HDX: variants seen among roughly 807,000 people sequenced by gnomAD.
HDX encodes chromosome X open reading frame 43.
A neutral mutation model predicts 45.2 loss-of-function variants in HDX; 19 were observed. The observed-to-expected ratio is 0.42, with a 90% confidence interval of 0.29 to 0.62. HDX has a LOEUF of 0.62. HDX is among the 20% of genes least tolerant of loss of function. The pLI, the probability that HDX is intolerant of heterozygous loss-of-function variation, is 0.20. For synonymous variants in HDX, 188 were observed against 172.8 expected (o/e 1.09, Z -0.69); for missense variants, 532 against 493.9 (o/e 1.08, Z -0.73).
At chrX:84,342,492 C>T (rs1331653547) in intron 7 of HDX, among the ~76,000 whole-genome samples, 2 of 105,002 alleles carry the variant, frequency 1.9e-5, no homozygotes, top group African/African-American at 3.5e-5. Flanking sequence ...TATATGTGTA[C>T]GTCTGCATGT....
Position 84,388,652 on chromosome X carries a change from G to C in HDX, c.1306-27040C>G, listed in dbSNP as rs1368641594. On this transcript the variant is annotated intron_variant, in intron 5 of 10. Transcript: ENST00000373177. ...GTGGTTTTTTTAGCTTTCGAAGTTT[G>C]GTTTACGTCTTTCTTAAAATGTCTA... Among the ~76,000 whole-genome samples, 4 of 111,496 alleles carry C rather than the reference G, an allele frequency of 3.6e-5. No homozygotes were observed. The East Asian group carries it at 1.1e-3, about 32-fold the overall frequency.
chrX:84,326,312 A>G lies in HDX; in HGVS notation c.1825-12T>C, dbSNP rs765393132. 3.8e-5 allele frequency: 44 copies of G among 1,160,998 alleles called. 1 individual carries two copies. The highest frequency in any genetic ancestry group is 5.0e-5 in the Non-Finnish European group (43 of 851,893). On this transcript the variant is annotated splice_polypyrimidine_tract_variant and intron_variant, in intron 9 of 10. Coordinates refer to ENST00000373177, the MANE Select transcript of HDX (RefSeq NM_001177479.2). ...TTGACTTCTTCATTCTGAAAGAGAA[A>G]ATACCAAATGATACAATTACCTTAT...
intron 4 of HDX, among the ~76,000 whole-genome samples, chrX:84,467,014 G>A (rs1023635607): frequency 1.8e-5 from 2 of 111,266 alleles, no homozygotes; most frequent in Non-Finnish European, 3.8e-5. Context: ...AAGTACAAAA[G>A]AGTAGGTGAA....
At chrX:84,364,170 G>A (rs1347375912) in intron 5 of HDX, among the ~76,000 whole-genome samples, 1 of 111,335 alleles carries the variant, frequency 9.0e-6, no homozygotes, top group Non-Finnish European at 1.9e-5. Context: ...TTGGTTAAAT[G>A]AGGAGCTGAG....
chrX:84,432,995 T>C (rs180760022), intron 5 of HDX, among the ~76,000 whole-genome samples: 1 of 111,352 alleles, frequency 9.0e-6, no homozygotes, highest in East Asian at 2.8e-4. Context: ...GAAATATCTT[T>C]TCAGGTTACT....
chrX:84,364,012 T>C (rs1426564403), intron 5 of HDX, among the ~76,000 whole-genome samples: 1 of 111,746 alleles, frequency 8.9e-6, no homozygotes, highest in Non-Finnish European at 1.9e-5. Context: ...TTGGCTTATA[T>C]TGCAATGTAT....
chrX:84,349,075 C>G (rs1361137058), intron 6 of HDX, among the ~76,000 whole-genome samples: 3 of 111,005 alleles, frequency 2.7e-5, no homozygotes, highest in Non-Finnish European at 5.7e-5. Context: ...CTTGTCTACA[C>G]TGAGCCTCCA....
intron 5 of HDX, among the ~76,000 whole-genome samples, chrX:84,422,318 T>C (rs2148013949): frequency 9.0e-6 from 1 of 111,627 alleles, no homozygotes; most frequent in East Asian, 2.8e-4. Context: ...AAAAATTCCT[T>C]GCAACAAATG....
At chrX:84,445,183 C>T (rs764152491) in intron 4 of HDX, among the ~76,000 whole-genome samples, 19 of 111,778 alleles carry the variant, frequency 1.7e-4, no homozygotes, top group Non-Finnish European at 3.2e-4. Context: ...GCTAGAAAAG[C>T]TACTATCTGA....
intron 5 of HDX, among the ~76,000 whole-genome samples, chrX:84,392,495 A>G: frequency 9.0e-6 from 1 of 111,107 alleles, no homozygotes; most frequent in East Asian, 2.8e-4. Flanking sequence ...GAATTTGTTG[A>G]TTGCTTTGGG....
At chrX:84,448,534 G>A (rs1420872177) in intron 4 of HDX, among the ~76,000 whole-genome samples, 2 of 110,602 alleles carry the variant, frequency 1.8e-5, no homozygotes, top group African/African-American at 6.6e-5. Flanking sequence ...AGACACTACT[G>A]ATGCTGTTTA....
chrX:84,437,720 C>T (rs2039669474), intron 5 of HDX, among the ~76,000 whole-genome samples: 1 of 111,062 alleles, frequency 9.0e-6, no homozygotes, highest in Non-Finnish European at 1.9e-5. Context: ...AATCTCCATC[C>T]TTCAGGAATA....
At chrX:84,336,096 C>T (rs967492741) in intron 8 of HDX, among the ~76,000 whole-genome samples, 1 of 110,368 alleles carries the variant, frequency 9.1e-6, no homozygotes, top group African/African-American at 3.3e-5. Context: ...CAATGACATT[C>T]CCCTTTATAT....
rs369018765 is a variant in HDX at position 84,406,469 on chromosome X, TACACAC to T, written c.1305+34057_1305+34062del. Among the ~76,000 whole-genome samples the T allele has an allele frequency of 1.5e-3, 128 of 86,535 alleles. 1 individual carries two copies. Among genetic ancestry groups the T allele is most frequent in the African/African-American group, 2.5e-3 (59 of 23,484 alleles). 75.1% of individuals were successfully genotyped at this position (86,535 alleles called of 115,157 possible). ...GAGCTAAAACCTGGATAATCTCACA[TACACAC>T]ACACACACACACACACACACACACA... is the stretch of plus-strand genomic sequence containing the variant. On this transcript the variant is annotated intron_variant, in intron 5 of 10. Coordinates refer to ENST00000373177, the MANE Select transcript of HDX (RefSeq NM_001177479.2).
At chrX:84,485,822 A>G (rs1265601438) in intron 2 of HDX, among the ~76,000 whole-genome samples, 1 of 112,189 alleles carries the variant, frequency 8.9e-6, no homozygotes, top group Non-Finnish European at 1.9e-5. Flanking sequence ...TATTCCTGGT[A>G]CTAGTCCTTG....
chrX:84,339,738 C>T (rs771032174), intron 7 of HDX, among the ~76,000 whole-genome samples: 1 of 110,735 alleles, frequency 9.0e-6, no homozygotes, highest in African/African-American at 3.3e-5. Context: ...GTATGTACTC[C>T]CACTAAGTAA....
intron 1 of HDX, among the ~76,000 whole-genome samples, chrX:84,488,805 G>A (rs1004300660): frequency 9.0e-6 from 1 of 111,698 alleles, no homozygotes; most frequent in African/African-American, 3.3e-5. Context: ...ATAAGAATGG[G>A]TCATCATTAT....
intron 2 of HDX, among the ~76,000 whole-genome samples, chrX:84,486,210 G>A (rs902680311): frequency 4.5e-5 from 5 of 110,868 alleles, no homozygotes; most frequent in African/African-American, 1.6e-4. Context: ...GGATTACAAT[G>A]TACATATCTA....
In HDX at chrX:84,502,438, T is replaced by G. The variant is rs2041140616; in HGVS notation, c.-206A>C. 1 of 111,683 alleles carries G rather than the reference T, an allele frequency of 9.0e-6. No homozygotes were observed. Among genetic ancestry groups the G allele is most frequent in the South Asian group, 3.8e-4 (1 of 2,652 alleles). 9.2% of individuals were successfully genotyped at this position (111,683 alleles called of 1,213,427 possible). ...AGCGAGATTTTTCCTGGGTCTCCAG[T>G]GCCGCTTCAGACAATGAAATCAGCG... On this transcript the variant is annotated 5_prime_UTR_variant, in exon 1 of 11. Coordinates refer to ENST00000373177, the MANE Select transcript of HDX (RefSeq NM_001177479.2).
Sources: allele counts gnomAD v4.1 joint callset (sites outside exome capture counted in the v4.1 genomes callset), GRCh38; gene constraint gnomAD v4.1.1; transcripts MANE v1.5; gene names NCBI Gene and HGNC (gene_info 2026-07-23, HGNC 2026-07-21).